The following SECISBP2L variants were observed in gnomAD, a reference collection of about 807,000 sequenced individuals.
SECISBP2L encodes selenocysteine insertion sequence-binding protein 2-like.
SECISBP2L carries 43 observed loss-of-function variants against 114.7 expected under a neutral mutation model. The ratio of observed to expected loss-of-function variants is 0.38; its 90% confidence interval spans 0.29 to 0.48. The LOEUF (loss-of-function observed/expected upper bound fraction) is 0.48, where lower values mean the gene tolerates loss of function less well. Ranked by LOEUF, SECISBP2L falls within the 20% of genes least tolerant of loss-of-function variation. SECISBP2L has a pLI of 0.98. For synonymous variants in SECISBP2L, 451 were observed against 439.7 expected, an observed-to-expected ratio of 1.03 and a Z score of -0.32; for missense variants, 1,136 against 1,301.1, an observed-to-expected ratio of 0.87 and a Z score of 1.95.
At chr15:49,036,542 T>A (rs578151307) in intron 2 of SECISBP2L, among the ~76,000 whole-genome samples, 4 of 152,376 alleles carry the variant, frequency 2.6e-5, no homozygotes, top group Non-Finnish European at 4.4e-5. Flanking sequence ...TACTGTATAC[T>A]TGGCCATTTT....
At position 49,000,888 on chromosome 15, in the gene SECISBP2L, A is replaced by G; in HGVS notation, c.2237T>C (p.Ile746Thr). 6.2e-7 allele frequency: 1 copy of G among 1,612,668 alleles called. No individual in the cohort carries two copies. The highest frequency in any genetic ancestry group is 8.5e-7 in the Non-Finnish European group (1 of 1,179,520). The change falls in exon 15 of 18, where the codon ATC (isoleucine) becomes ACC (threonine). Residue 746 changes from isoleucine (I) to threonine (T), a missense_variant. By Grantham distance (89) the Ile-to-Thr change is moderately conservative (BLOSUM62 -1). This residue lies in a region of SECISBP2L where 684 missense variants were observed against 848.7 expected (regional missense o/e 0.81). Coordinates refer to ENST00000559471, the MANE Select transcript of SECISBP2L (RefSeq NM_001193489.2). ...CVIISPNCEK[I>T]QSKGGLDEAL... ...CAAAAAGCGCATACCTTTTGACTGG[A>G]TTTTTTCACAGTTTGGAGAAATTAT...
In SECISBP2L at chr15:48,990,825, C is replaced by G. The variant is rs553360301; in HGVS notation, c.*1419G>C. On this transcript the variant is annotated 3_prime_UTR_variant, in exon 18 of 18. Transcript: ENST00000559471. ...AGCTTGTAAGTGGAAAACACACACA[C>G]GTACGGATGTGTGCATGTGTGTGAG... is the stretch of plus-strand genomic sequence containing the variant. 1 of 94,210 alleles carries G rather than the reference C, an allele frequency of 1.1e-5. No individual in the cohort carries two copies. Among genetic ancestry groups the G allele is most frequent in the African/African-American group, 4.2e-5 (1 of 23,608 alleles). The allele number at this position is 94,210 out of a possible 1,614,324, so 5.8% of individuals were successfully genotyped here.
intron 7 of SECISBP2L, among the ~76,000 whole-genome samples, chr15:49,022,773 G>C (rs1902666336): frequency 6.6e-6 from 1 of 152,144 alleles, no homozygotes; most frequent in African/African-American, 2.4e-5. Flanking sequence ...AGTGATAAAG[G>C]TAATTAAAGT....
chr15:49,023,012 C>T (rs996254765), intron 7 of SECISBP2L, among the ~76,000 whole-genome samples: 2 of 137,382 alleles, frequency 1.5e-5, no homozygotes, highest in African/African-American at 5.1e-5. Context: ...TGATTTAAAA[C>T]CCTTTAGAAG....
rs772299775 is a variant in SECISBP2L at position 48,993,100 on chromosome 15, A to AGAGAGAGAGT, written c.2624-175_2624-174insACTCTCTCTC. 1.7e-3 allele frequency among the ~76,000 whole-genome samples: 236 copies of AGAGAGAGAGT among 139,220 alleles called. 1 individual carries two copies. Among genetic ancestry groups the AGAGAGAGAGT allele is most frequent in the Non-Finnish European group, 2.7e-3 (175 of 64,954 alleles). 91.3% of individuals were successfully genotyped at this position (139,220 alleles called of 152,430 possible). On this transcript the variant is annotated intron_variant, in intron 17 of 17. Coordinates refer to ENST00000559471, the MANE Select transcript of SECISBP2L (RefSeq NM_001193489.2). Reference sequence around the variant, plus strand: ...TAGTACTAGTTTGAGACAGAGAGAGAGTGTGTGTGTGTGTGTGTGTGTGTG... The same window carrying AGAGAGAGAGT: ...TAGTACTAGTTTGAGACAGAGAGAGAGAGAGAGAGTGTGTGTGTGTGTGTGTGTGTGTGTG...
Position 48,992,547 on chromosome 15 carries a change from A to C in SECISBP2L, c.3003T>G (p.Asp1001Glu). Reference sequence around the variant, plus strand: ...CTACAGATATGGGTTCATGAGTATAATCTTCCTCCTCCTCCTCATCTTCAT... The same window carrying C: ...CTACAGATATGGGTTCATGAGTATACTCTTCCTCCTCCTCCTCATCTTCAT... ...EEDEDEEEEE[D>E]YTHEPISVEV... The change falls in exon 18 of 18, where the codon GAT becomes GAG. Residue 1001 changes from aspartate (D) to glutamate (E), a missense_variant. By Grantham distance (45) the Asp-to-Glu change is conservative (BLOSUM62 2). Coordinates refer to ENST00000559471, the MANE Select transcript of SECISBP2L (RefSeq NM_001193489.2). 6.2e-7 allele frequency: 1 copy of C among 1,614,136 alleles called. No individual in the cohort carries two copies. The highest frequency in any genetic ancestry group is 8.5e-7 in the Non-Finnish European group (1 of 1,180,030).
intron 7 of SECISBP2L, among the ~76,000 whole-genome samples, chr15:49,020,041 T>C (rs1163354593): frequency 6.6e-6 from 1 of 151,736 alleles, no homozygotes; most frequent in East Asian, 1.9e-4. Context: ...AATAGATCAG[T>C]GGATTCTAGG....
chr15:49,016,743 C>T (rs751549465), intron 10 of SECISBP2L, 42 bp from the exon 11 acceptor site: 32 of 1,519,330 alleles, frequency 2.1e-5, no homozygotes, highest in East Asian at 2.1e-4. Flanking sequence ...TGTTATAGTA[C>T]GAAACTGTGG....
intron 1 of SECISBP2L, among the ~76,000 whole-genome samples, chr15:49,045,861 A>T (rs1159852302): frequency 6.6e-6 from 1 of 152,204 alleles, no homozygotes; most frequent in Non-Finnish European, 1.5e-5. Flanking sequence ...ATCTGTAGTT[A>T]CCACACATTC....
intron 7 of SECISBP2L, among the ~76,000 whole-genome samples, chr15:49,025,649 C>A (rs1473444051): frequency 1.3e-5 from 2 of 152,060 alleles, no homozygotes; most frequent in East Asian, 3.9e-4. Flanking sequence ...CATCACTAAT[C>A]ATCAGGGAAA....
chr15:49,017,319 T>C (rs1296778133), intron 9 of SECISBP2L, among the ~76,000 whole-genome samples: 1 of 152,214 alleles, frequency 6.6e-6, no homozygotes, highest in African/African-American at 2.4e-5. Context: ...TGTTGTATGA[T>C]GATATCATTT....
intron 14 of SECISBP2L, among the ~76,000 whole-genome samples, chr15:49,003,939 T>C (rs1226396758): frequency 6.6e-6 from 1 of 152,238 alleles, no homozygotes; most frequent in Admixed American, 6.5e-5. Flanking sequence ...GGTATCAGGA[T>C]GATGCTGGCC....
At chr15:49,016,115 T>C (rs185090036) in intron 11 of SECISBP2L, among the ~76,000 whole-genome samples, 1 of 152,298 alleles carries the variant, frequency 6.6e-6, no homozygotes, top group Non-Finnish European at 1.5e-5. Context: ...CCAAGTGAAA[T>C]GAAGCACTGT....
intron 7 of SECISBP2L, among the ~76,000 whole-genome samples, chr15:49,021,638 C>T (rs1009609861): frequency 3.9e-5 from 6 of 152,214 alleles, no homozygotes; most frequent in Non-Finnish European, 8.8e-5. Context: ...TGAATTCTCA[C>T]GCTTGCTGTT....
At chr15:49,021,040 G>A (rs940935649) in intron 7 of SECISBP2L, among the ~76,000 whole-genome samples, 5 of 151,998 alleles carry the variant, frequency 3.3e-5, no homozygotes, top group South Asian at 4.2e-4. Flanking sequence ...CCCACGAGAC[G>A]GTATTTGAAA....
chr15:49,010,033 T>C (rs1902404240), intron 13 of SECISBP2L, among the ~76,000 whole-genome samples: 1 of 151,692 alleles, frequency 6.6e-6, no homozygotes, highest in Non-Finnish European at 1.5e-5. Flanking sequence ...CTCGGGAGGC[T>C]AAGGCAGGAG....
intron 14 of SECISBP2L, among the ~76,000 whole-genome samples, chr15:49,003,445 G>A (rs545621791): frequency 6.6e-6 from 1 of 152,250 alleles, no homozygotes; most frequent in Admixed American, 6.5e-5. Context: ...TCTCTTGCCT[G>A]ATTGCCCTGG....
At chr15:49,007,090 C>A (rs769527788) in intron 14 of SECISBP2L, among the ~76,000 whole-genome samples, 8 of 152,196 alleles carry the variant, frequency 5.3e-5, no homozygotes, top group Non-Finnish European at 1.2e-4. Context: ...TGGAGGTCCA[C>A]TCCAGACCCT....
intron 13 of SECISBP2L, among the ~76,000 whole-genome samples, chr15:49,010,998 T>A (rs1214938959): frequency 6.6e-6 from 1 of 152,170 alleles, no homozygotes; most frequent in East Asian, 1.9e-4. Context: ...ACATGGGGAA[T>A]CATTAAATTG....
Sources: allele counts gnomAD v4.1 joint callset (sites outside exome capture counted in the v4.1 genomes callset), GRCh38; gene constraint gnomAD v4.1.1; regional missense constraint gnomAD v4.1.1; transcripts MANE v1.5; gene names NCBI Gene and HGNC (gene_info 2026-07-23, HGNC 2026-07-21).